ATG2B: variants seen among roughly 807,000 people sequenced by gnomAD.
ATG2B encodes the protein autophagy related 2B.
Under a neutral mutation model 241.3 loss-of-function variants are expected in ATG2B, and 121 were observed. That is an observed-to-expected ratio of 0.50 (90% CI 0.43 to 0.58). The LOEUF is 0.58. ATG2B is among the 20% of genes least tolerant of loss of function. The pLI is 0.00. For synonymous variants in ATG2B, 858 were observed against 876.6 expected (o/e 0.98, Z 0.37); for missense variants, 2,306 against 2,491.6 (o/e 0.93, Z 1.59).
At chr14:96,324,925 A>T (rs1887551097) in intron 15 of ATG2B, among the ~76,000 whole-genome samples, 1 of 152,114 alleles carries the variant, frequency 6.6e-6, no homozygotes, top group Admixed American at 6.6e-5. Flanking sequence ...GGTTGCGGAG[A>T]GAGGGTGTCG....
intron 15 of ATG2B, 74 bp downstream of exon 15, chr14:96,325,575 T>A: frequency 7.2e-7 from 1 of 1,392,756 alleles, no homozygotes. Flanking sequence ...TGTCAGATAC[T>A]TTTGTGATGT....
At chr14:96,360,691 T>C (rs1386070986) in intron 1 of ATG2B, among the ~76,000 whole-genome samples, 1 of 152,218 alleles carries the variant, frequency 6.6e-6, no homozygotes, top group Non-Finnish European at 1.5e-5. Context: ...AATTGATCAT[T>C]TAGAATTGAA....
chr14:96,354,350 C>T (rs994837041), intron 1 of ATG2B, among the ~76,000 whole-genome samples: 15 of 152,216 alleles, frequency 9.9e-5, no homozygotes, highest in African/African-American at 3.6e-4. Flanking sequence ...TCTCATCATT[C>T]AGCTCCCACT....
At chr14:96,311,943 A>G (rs577205596) in intron 26 of ATG2B, 146 bp downstream of exon 26, 3 of 668,272 alleles carry the variant, frequency 4.5e-6, no homozygotes, top group South Asian at 1.9e-5. Context: ...CATGATCACT[A>G]TATACTTAAA....
rs1886444958 is a variant in ATG2B, at chr14:96,290,128, A to G, written c.5856+308T>C. On this transcript the variant is annotated intron_variant, in intron 40 of 41. Transcript: ENST00000359933. The surrounding 1 kb of genome is among the most constrained non-coding windows in gnomAD (Gnocchi z 4.4). ...GATCTTTAATACTTCTGTTTAATCT[A>G]CAACGCCTTCTTCAAATTTAGCTAC... is the stretch of plus-strand genomic sequence containing the variant. 3 of 1,247,310 alleles carry G rather than the reference A, an allele frequency of 2.4e-6. No individual in the cohort carries two copies. Among genetic ancestry groups the G allele is most frequent in the Non-Finnish European group, 3.0e-6 (3 of 989,408 alleles). 77.3% of individuals were successfully genotyped at this position (1,247,310 alleles called of 1,614,324 possible). A position where few individuals can be genotyped will look rare whatever the true frequency, so the allele number is the denominator to read the frequency against.
At chr14:96,341,058 G>A (rs1446150456) in intron 6 of ATG2B, among the ~76,000 whole-genome samples, 4 of 151,908 alleles carry the variant, frequency 2.6e-5, no homozygotes, top group Non-Finnish European at 5.9e-5. Context: ...TATAAAAATG[G>A]TCATTCTGTT....
At chr14:96,307,228 A>G (rs1886974815) in intron 29 of ATG2B, among the ~76,000 whole-genome samples, 1 of 152,078 alleles carries the variant, frequency 6.6e-6, no homozygotes, top group African/African-American at 2.4e-5. Flanking sequence ...CCTGGCCAAC[A>G]TGATGAAACC....
In ATG2B at chr14:96,301,326, C is replaced by T. The variant is rs545049096; in HGVS notation, c.5139+681G>A. On this transcript the variant is annotated intron_variant, in intron 34 of 41. Coordinates refer to ENST00000359933, the MANE Select transcript of ATG2B (RefSeq NM_018036.7). ...CATACAACTAGTAAAAGCTACAGAA[C>T]TAAGACTGGAACCCAGGTCTGACTC... is the stretch of plus-strand genomic sequence containing the variant. Among the ~76,000 whole-genome samples, 59 of 10,570 alleles carry T rather than the reference C, an allele frequency of 5.6e-3. No individual in the cohort carries two copies. In the South Asian group the frequency reaches 0.093, roughly 17 times the overall value. 6.9% of individuals were successfully genotyped at this position (10,570 alleles called of 152,430 possible).
At position 96,347,185 on chromosome 14, in the gene ATG2B, G is replaced by A. The variant is rs375023828; in HGVS notation, c.319C>T (p.Arg107Cys). 107 of 1,577,756 alleles carry A rather than the reference G, an allele frequency of 6.8e-5. No individual in the cohort carries two copies. The East Asian group carries it at 1.7e-3, about 25-fold the overall frequency. Residue 107 changes from arginine to cysteine, a missense_variant, in exon 2 of 42, where the codon CGC (arginine) becomes TGC (cysteine). By Grantham distance (180) the Arg-to-Cys change is radical (BLOSUM62 -3). This residue lies in a region of ATG2B where 1,927 missense variants were observed against 2,011.2 expected (regional missense o/e 0.96). Coordinates refer to ENST00000359933, the MANE Select transcript of ATG2B (RefSeq NM_018036.7). The part of the protein sequence containing the change: ...GLEMVFRPRP[R>C]PATGSEPMYW... ...AAACATACAACACACCAACCTGGGC[G>A]AGGTCTAGGCCGGAAGACCATTTCT... is the stretch of plus-strand genomic sequence containing the variant.
At chr14:96,358,878 T>G (rs1171808125) in intron 1 of ATG2B, among the ~76,000 whole-genome samples, 1 of 152,200 alleles carries the variant, frequency 6.6e-6, no homozygotes, top group Non-Finnish European at 1.5e-5. Context: ...GAGCTTTTTA[T>G]TCTTCTGTTT....
intron 1 of ATG2B, among the ~76,000 whole-genome samples, chr14:96,350,788 T>A (rs1372283830): frequency 2.0e-5 from 3 of 152,160 alleles, no homozygotes. Context: ...TCCTAAAGAC[T>A]TTCCCAGTAG....
intron 20 of ATG2B, 72 bp from the exon 21 acceptor site, chr14:96,316,755 C>T (rs557471048): frequency 1.0e-5 from 14 of 1,359,222 alleles, no homozygotes; most frequent in African/African-American, 1.5e-5. Context: ...CCTTGAGATG[C>T]TCTTTGTTGA....
intron 34 of ATG2B, 105 bp downstream of exon 34, chr14:96,301,901 TG>T (rs1886801507): frequency 1.2e-6 from 1 of 854,694 alleles, no homozygotes; most frequent in Non-Finnish European, 1.8e-6. Flanking sequence ...GCTTTATATA[TG>T]TAACCGCCAT....
chr14:96,334,343 T>C lies in ATG2B; in HGVS notation c.1021+62A>G, dbSNP rs866313755. 7.8e-6 allele frequency: 8 copies of C among 1,029,344 alleles called. No individual in the cohort carries two copies. The African/African-American group carries it at 1.0e-4, about 13-fold the overall frequency. The allele number at this position is 1,029,344 out of a possible 1,614,324, so 63.8% of individuals were successfully genotyped here. Reference sequence around the variant, plus strand: ...TTCCTACATGTACATACATTACATATTTTAAAGTTTTTTAAAATTTAAAAA... The same window carrying C: ...TTCCTACATGTACATACATTACATACTTTAAAGTTTTTTAAAATTTAAAAA... On this transcript the variant is annotated intron_variant, in intron 7 of 41. Transcript: ENST00000359933.
intron 21 of ATG2B, 33 bp from the exon 22 acceptor site, chr14:96,315,616 A>G (rs751566781): frequency 2.0e-6 from 3 of 1,537,914 alleles, no homozygotes; most frequent in Non-Finnish European, 2.7e-6. Context: ...AAATAGTAAC[A>G]AAATGATTAC....
At chr14:96,320,243 A>G (rs1439519270) in intron 18 of ATG2B, among the ~76,000 whole-genome samples, 1 of 152,192 alleles carries the variant, frequency 6.6e-6, no homozygotes, top group African/African-American at 2.4e-5. Context: ...GTGGAGTTAT[A>G]TATTTCATAT....
At position 96,334,406 on chromosome 14, in the gene ATG2B, T is replaced by G. The variant is rs1361720402; in HGVS notation, c.1020A>C (p.Pro340=). The G allele has an allele frequency of 6.3e-7, 1 of 1,597,744 alleles. No homozygotes were observed. Among genetic ancestry groups the G allele is most frequent in the Non-Finnish European group, 8.5e-7 (1 of 1,172,848 alleles). ...ATATAATAACAGAATTATACTTGCC[T>G]GGTCCAGCAATAGCTGCCAACATAT... ...LLDMLAAIAG[P]ENSSKIGLAN... The change falls in exon 7 of 42, where the codon CCA becomes CCC. Residue 340 remains proline, a splice_region_variant and synonymous_variant. Transcript: ENST00000359933.
intron 41 of ATG2B, 89 bp from the exon 42 acceptor site, chr14:96,286,074 TA>T: frequency 1.1e-6 from 1 of 928,510 alleles, no homozygotes; most frequent in African/African-American, 1.6e-5. Context: ...TACACACTTT[TA>T]AAGCAGGTAA....
At chr14:96,333,535 G>T (rs2139883323) in intron 8 of ATG2B, among the ~76,000 whole-genome samples, 153 bp downstream of exon 8, 1 of 152,256 alleles carries the variant, frequency 6.6e-6, no homozygotes, top group Admixed American at 6.5e-5. Context: ...GTTGTGATTA[G>T]ATTAATCGTA....
Sources: allele counts gnomAD v4.1 joint callset (sites outside exome capture counted in the v4.1 genomes callset), GRCh38; gene constraint gnomAD v4.1.1; regional missense constraint gnomAD v4.1.1; non-coding constraint Gnocchi (gnomAD v3.1); transcripts MANE v1.5; gene names NCBI Gene and HGNC (gene_info 2026-07-23, HGNC 2026-07-21).